PTPRG: variants seen among roughly 807,000 people sequenced by gnomAD.
PTPRG encodes receptor-type tyrosine-protein phosphatase gamma.
Under a neutral mutation model 165.3 loss-of-function variants are expected in PTPRG, and 102 were observed. The observed-to-expected ratio is 0.62, with a 90% CI of 0.53 to 0.73. PTPRG has a LOEUF of 0.73. Among genes scored for constraint, PTPRG ranks in the 30% least tolerant of loss-of-function variants. PTPRG has a pLI of 0.00. For synonymous variants in PTPRG, 675 were observed against 669.5 expected (o/e 1.01, Z -0.13); for missense variants, 1,866 against 1,861.4 (o/e 1.00, Z -0.05).
intron 21 of PTPRG, 55 bp from the exon 22 acceptor site, chr3:62,272,891 A>G: frequency 6.9e-7 from 1 of 1,459,322 alleles, no homozygotes; most frequent in Non-Finnish European, 9.1e-7. Context: ...TTCGAATCCA[A>G]AGTTAACAGT....
At chr3:62,191,181 G>A (rs1007117557) in intron 8 of PTPRG, among the ~76,000 whole-genome samples, 4 of 150,790 alleles carry the variant, frequency 2.7e-5, no homozygotes, top group Non-Finnish European at 5.9e-5. Context: ...TCTGTGCCCC[G>A]TGCACATATG....
chr3:61,769,918 T>C (rs2034156632), intron 2 of PTPRG: 2 of 152,192 alleles, frequency 1.3e-5, no homozygotes, highest in Non-Finnish European at 2.9e-5. Flanking sequence ...CAGACTCCTT[T>C]TTGGTAGAGA....
At chr3:62,148,370 T>C (rs891557136) in intron 6 of PTPRG, among the ~76,000 whole-genome samples, 3 of 152,192 alleles carry the variant, frequency 2.0e-5, no homozygotes, top group Non-Finnish European at 4.4e-5. Context: ...TCGGGCCCCA[T>C]GGCCACCATA....
chr3:61,621,434 G>T (rs1338762873), intron 1 of PTPRG, among the ~76,000 whole-genome samples: 1 of 152,148 alleles, frequency 6.6e-6, no homozygotes, highest in African/African-American at 2.4e-5. Context: ...CTTCTCCCCA[G>T]GTGTGGGGTG....
chr3:62,127,326 G>A (rs542873796), intron 5 of PTPRG, among the ~76,000 whole-genome samples: 91 of 152,322 alleles, frequency 6.0e-4, no homozygotes, highest in African/African-American at 1.9e-3. Context: ...TCCTTGCCAC[G>A]TGGCTCTTTA....
chr3:61,705,137 A>G (rs1013395449), intron 1 of PTPRG, among the ~76,000 whole-genome samples: 2 of 152,222 alleles, frequency 1.3e-5, no homozygotes, highest in African/African-American at 4.8e-5. Context: ...GTATTTGCTT[A>G]TCACCTGTTA....
In PTPRG at chr3:61,905,710, T is replaced by G. The variant is rs574795720; in HGVS notation, c.191-83915T>G. On this transcript the variant is annotated intron_variant, in intron 2 of 29. Coordinates refer to ENST00000474889, the MANE Select transcript of PTPRG (RefSeq NM_002841.4). ...GCAGGTTCAGATATCTGCCCAACTT[T>G]GTTGATTTTCACTCTTTCTATGGTG... 5.3e-5 allele frequency among the ~76,000 whole-genome samples: 8 copies of G among 152,324 alleles called. No individual in the cohort carries two copies. In the East Asian group the frequency reaches 1.5e-3, roughly 29 times the overall value.
intron 2 of PTPRG, among the ~76,000 whole-genome samples, chr3:61,982,398 A>T (rs944206978): frequency 6.6e-6 from 1 of 152,148 alleles, no homozygotes; most frequent in Non-Finnish European, 1.5e-5. Flanking sequence ...ATTTTTAATG[A>T]ATGTTTGGAT....
intron 12 of PTPRG, among the ~76,000 whole-genome samples, chr3:62,209,378 T>G (rs964585157): frequency 5.9e-5 from 9 of 152,218 alleles, no homozygotes; most frequent in African/African-American, 1.9e-4. Context: ...AGTATTCATG[T>G]AAAGTTTCCT....
At chr3:61,763,607 G>T (rs1458020288) in intron 2 of PTPRG, among the ~76,000 whole-genome samples, 1 of 151,158 alleles carries the variant, frequency 6.6e-6, no homozygotes, top group Non-Finnish European at 1.5e-5. Flanking sequence ...CTGACCTCAG[G>T]TGATCCACCC....
At chr3:62,110,486 C>G (rs148961593) in intron 5 of PTPRG, among the ~76,000 whole-genome samples, 6 of 151,750 alleles carry the variant, frequency 4.0e-5, no homozygotes, top group East Asian at 1.9e-4. Flanking sequence ...TTTATCCACT[C>G]AGTAGAGATT....
chr3:61,564,864 C>G (rs1409147046), intron 1 of PTPRG, among the ~76,000 whole-genome samples: 3 of 152,200 alleles, frequency 2.0e-5, no homozygotes, highest in African/African-American at 7.2e-5. Context: ...AGGCGGCGGC[C>G]TCGGCCTGGC....
chr3:61,879,850 A>G (rs1360188188), intron 2 of PTPRG, among the ~76,000 whole-genome samples: 1 of 152,204 alleles, frequency 6.6e-6, no homozygotes, highest in Non-Finnish European at 1.5e-5. Context: ...TTTTTATCCT[A>G]GCTCAGCTCC....
At chr3:62,033,729 A>T (rs761446079) in intron 4 of PTPRG, among the ~76,000 whole-genome samples, 4 of 151,884 alleles carry the variant, frequency 2.6e-5, no homozygotes, top group Non-Finnish European at 5.9e-5. Context: ...AACTACCATG[A>T]CTACTCTTTT....
At chr3:61,905,166 T>C (rs2038610619) in intron 2 of PTPRG, among the ~76,000 whole-genome samples, 1 of 152,224 alleles carries the variant, frequency 6.6e-6, no homozygotes, top group East Asian at 1.9e-4. Flanking sequence ...GCTCTGCCGA[T>C]ACAGGTTATA....
chr3:62,033,448 C>T (rs1699836864), intron 4 of PTPRG, among the ~76,000 whole-genome samples: 1 of 150,438 alleles, frequency 6.6e-6, no homozygotes, highest in Non-Finnish European at 1.5e-5. Flanking sequence ...ACTGCAACCT[C>T]AACCTCCCGG....
intron 1 of PTPRG, among the ~76,000 whole-genome samples, chr3:61,732,709 AAAATAAATAAATAAATAAATAAAT>A (rs10593342): frequency 7.7e-5 from 11 of 143,132 alleles, no homozygotes; most frequent in East Asian, 6.0e-4. Flanking sequence ...ACTCCGTCTC[AAAATAAATAAATAAATAAATAAAT>A]AAATAAATAA....
At chr3:62,018,382 A>T (rs768390564) in intron 4 of PTPRG, among the ~76,000 whole-genome samples, 1 of 152,214 alleles carries the variant, frequency 6.6e-6, no homozygotes, top group African/African-American at 2.4e-5. Flanking sequence ...ATGCCTCTCC[A>T]TTGTGCTCAA....
intron 1 of PTPRG, among the ~76,000 whole-genome samples, chr3:61,744,568 T>C (rs2033124864): frequency 6.6e-6 from 1 of 152,216 alleles, no homozygotes; most frequent in Non-Finnish European, 1.5e-5. Flanking sequence ...TATAATCTCA[T>C]GGGACCAGCA....
Sources: gnomAD v4.1 joint callset for allele counts (sites outside exome capture counted in the v4.1 genomes callset) on GRCh38, gnomAD v4.1.1 for gene constraint, MANE v1.5 for transcripts, NCBI Gene and HGNC (gene_info 2026-07-23, HGNC 2026-07-21) for gene names.